HJURP: variants seen among roughly 807,000 people sequenced by gnomAD.
HJURP encodes Holliday junction recognition protein, also known as 14-3-3-associated AKT substrate.
HJURP carries 49 observed loss-of-function variants against 72.0 expected under a neutral mutation model. The ratio of observed to expected loss-of-function variants is 0.68; its 90% CI spans 0.54 to 0.86. HJURP has a LOEUF of 0.86. HJURP is among the 40% of genes least tolerant of loss of function. The pLI is 0.00. For synonymous variants in HJURP, 357 were observed against 347.1 expected (o/e 1.03, Z -0.32); for missense variants, 908 against 936.3 (o/e 0.97, Z 0.39).
At chr2:233,851,878 T>A (rs1705503377) in intron 3 of HJURP, among the ~76,000 whole-genome samples, 1 of 151,816 alleles carries the variant, frequency 6.6e-6, no homozygotes, top group East Asian at 1.9e-4. Flanking sequence ...TTCATACAGG[T>A]TCCTTGACCT....
chr2:233,848,145 A>G (rs1240560746), intron 4 of HJURP, among the ~76,000 whole-genome samples: 1 of 152,164 alleles, frequency 6.6e-6, no homozygotes, highest in Non-Finnish European at 1.5e-5. Flanking sequence ...CTATTGGTGT[A>G]GGCAAGGTGC....
At chr2:233,853,748 G>T in intron 2 of HJURP, 96 bp downstream of exon 2, 1 of 1,009,432 alleles carries the variant, frequency 9.9e-7, no homozygotes, top group South Asian at 1.6e-5. Context: ...TTAGTTAGGT[G>T]AACAATGTTT....
chr2:233,841,456 G>A lies in HJURP; in HGVS notation c.1324C>T (p.His442Tyr), dbSNP rs141866486. ...CTGGGACTCAGGCAATATTCCCGAT[G>A]AAGCTGATCAAATCGGATTTCAATC... ...REIEIRFDQL[H>Y]REYCLSPRNQ... Residue 442 changes from histidine to tyrosine, a missense_variant, in exon 8 of 9, where the codon CAT becomes TAT. By Grantham distance (83) the His-to-Tyr change is moderately conservative (BLOSUM62 2). This residue lies in a region of HJURP where 598 missense variants were observed against 619.5 expected (regional missense o/e 0.97). Transcript: ENST00000411486. 32 of 1,614,082 alleles carry A rather than the reference G, an allele frequency of 2.0e-5. No individual in the cohort carries two copies. Among genetic ancestry groups the A allele is most frequent in the Non-Finnish European group, 2.7e-5 (32 of 1,180,046 alleles).
intron 8 of HJURP, among the ~76,000 whole-genome samples, chr2:233,838,433 G>A (rs1199680135): frequency 1.3e-5 from 2 of 152,268 alleles, no homozygotes; most frequent in Middle Eastern, 3.4e-3. Context: ...AGCAAGGCAG[G>A]AGCCTCTGCA....
intron 2 of HJURP, among the ~76,000 whole-genome samples, chr2:233,852,889 C>T (rs1705529623): frequency 6.6e-6 from 1 of 152,166 alleles, no homozygotes; most frequent in African/African-American, 2.4e-5. Flanking sequence ...AAACAAGGAA[C>T]ATATGACAGC....
chr2:233,839,952 A>T (rs1705179033), intron 8 of HJURP, among the ~76,000 whole-genome samples: 1 of 152,118 alleles, frequency 6.6e-6, no homozygotes, highest in Non-Finnish European at 1.5e-5. Context: ...TGTGCTGGGG[A>T]ATCCAACCTT....
At chr2:233,839,239 T>C (rs190138769) in intron 8 of HJURP, among the ~76,000 whole-genome samples, 66 of 152,350 alleles carry the variant, frequency 4.3e-4, no homozygotes, top group Admixed American at 2.7e-3. Context: ...CCCATGAGAC[T>C]GGTCTGTGTC....
Position 233,854,514 on chromosome 2 carries a change from T to C in HJURP, c.-14A>G, listed in dbSNP as rs769624194. On this transcript the variant is annotated 5_prime_UTR_variant, in exon 1 of 9. Coordinates refer to ENST00000411486, the MANE Select transcript of HJURP (RefSeq NM_018410.5). ...CGTACCCAGCATCGGACCCAGCCAG[T>C]ACCCAAGCGCCAACCCGGACTGCAG... 6.3e-7 allele frequency: 1 copy of C among 1,593,538 alleles called. No individual in the cohort carries two copies. The highest frequency in any genetic ancestry group is 8.6e-7 in the Non-Finnish European group (1 of 1,167,094).
At chr2:233,837,777 G>T in intron 8 of HJURP, 125 bp from the exon 9 acceptor site, 1 of 660,294 alleles carries the variant, frequency 1.5e-6, no homozygotes, top group Non-Finnish European at 2.6e-6. Context: ...TATAGAAAGT[G>T]GCATTACGTT....
intron 7 of HJURP, among the ~76,000 whole-genome samples, chr2:233,842,614 T>TG (rs1465483906): frequency 6.7e-6 from 1 of 149,346 alleles, no homozygotes; most frequent in South Asian, 2.1e-4. Flanking sequence ...CCAACAGTGA[T>TG]GGGAAAAAAC....
At chr2:233,844,309 GA>G in intron 6 of HJURP, 26 bp from the exon 7 acceptor site, 1 of 1,605,778 alleles carries the variant, frequency 6.2e-7, no homozygotes, top group African/African-American at 1.3e-5. Flanking sequence ...GTGGTTACAA[GA>G]AAAAAGTTGC....
intron 6 of HJURP, among the ~76,000 whole-genome samples, chr2:233,844,738 C>T (rs1008100320): frequency 6.6e-6 from 1 of 152,244 alleles, no homozygotes; most frequent in Non-Finnish European, 1.5e-5. Context: ...TCAGGTACAT[C>T]CACTAAGTCG....
chr2:233,844,639 C>T (rs1053292900), intron 6 of HJURP, among the ~76,000 whole-genome samples: 1 of 152,154 alleles, frequency 6.6e-6, no homozygotes, highest in South Asian at 2.1e-4. Context: ...CCAGTAGATC[C>T]GTTCGTTCCT....
At chr2:233,838,445 G>A (rs537688964) in intron 8 of HJURP, among the ~76,000 whole-genome samples, 10 of 152,254 alleles carry the variant, frequency 6.6e-5, no homozygotes, top group South Asian at 2.1e-4. Flanking sequence ...GCCTCTGCAC[G>A]GAGCACTGGG....
rs1242710748 is a variant in HJURP, at chr2:233,844,261, C to T, written c.518G>A (p.Arg173Lys). Residue 173 changes from arginine (R) to lysine (K), a missense_variant, in exon 7 of 9, where the codon AGG becomes AAG. Around this residue, in one of 3 missense-constraint regions of HJURP, gnomAD observed 299 missense variants for 286.7 expected, o/e 1.04. Coordinates refer to ENST00000411486, the MANE Select transcript of HJURP (RefSeq NM_018410.5). ...AGGCAGCGGAGTCACACGTACATCCCTTCCAGCTCTGTTACCTGCACACTG... is the reference window on the plus strand; with the variant it reads ...AGGCAGCGGAGTCACACGTACATCCTTTCCAGCTCTGTTACCTGCACACTG... Reference protein sequence around the residue: ...YFECAGNRAGRDVRVTPLPSL... With the variant: ...YFECAGNRAGKDVRVTPLPSL... 8 of 1,614,220 alleles carry T rather than the reference C, an allele frequency of 5.0e-6. No individual in the cohort carries two copies. Among genetic ancestry groups the T allele is most frequent in the Non-Finnish European group, 5.9e-6 (7 of 1,180,038 alleles).
rs1346095182 is a variant in HJURP, at chr2:233,845,238, G to A, written c.495+490C>T. 2.0e-5 allele frequency among the ~76,000 whole-genome samples: 3 copies of A among 151,710 alleles called. No individual in the cohort carries two copies. The East Asian group carries it at 5.8e-4, about 29-fold the overall frequency. On this transcript the variant is annotated intron_variant, in intron 6 of 8. Coordinates refer to ENST00000411486, the MANE Select transcript of HJURP (RefSeq NM_018410.5). ...ACAATCTCAGCTCACTGCAACCTCC[G>A]CCTCCTGGGTTCAAGCGATTATCCT...
intron 8 of HJURP, among the ~76,000 whole-genome samples, chr2:233,837,879 G>A (rs917851303): frequency 3.3e-5 from 5 of 152,226 alleles, no homozygotes; most frequent in Admixed American, 6.5e-5. Context: ...ACAAGCTGGT[G>A]GGGAAGTCCA....
chr2:233,849,454 A>C lies in HJURP; in HGVS notation c.337+309T>G, dbSNP rs529817876. ...TGCCCTATAGAAGTGAGGGTTCACA[A>C]CACCACCCTGTAGGGGCAAATCTTA... On this transcript the variant is annotated intron_variant, in intron 4 of 8. Transcript: ENST00000411486. Among the ~76,000 whole-genome samples, 13 of 152,228 alleles carry C rather than the reference A, an allele frequency of 8.5e-5. No individual in the cohort carries two copies. The South Asian group carries it at 2.3e-3, about 27-fold the overall frequency.
At chr2:233,843,895 C>T (rs781217565) in intron 7 of HJURP, among the ~76,000 whole-genome samples, 16 of 152,226 alleles carry the variant, frequency 1.1e-4, no homozygotes, top group South Asian at 2.1e-4. Context: ...GGGGTGATAA[C>T]GCAGATATGA....
Sources: allele counts gnomAD v4.1 joint callset (sites outside exome capture counted in the v4.1 genomes callset), GRCh38; gene constraint gnomAD v4.1.1; regional missense constraint gnomAD v4.1.1; transcripts MANE v1.5; gene names NCBI Gene and HGNC (gene_info 2026-07-23, HGNC 2026-07-21).